Variants in NYAP1 observed in about 807,000 individuals in gnomAD.
NYAP1 encodes neuronal tyrosine-phosphorylated phosphoinositide-3-kinase adapter 1.
NYAP1 carries 20 observed loss-of-function variants against 58.6 expected under a neutral mutation model. The observed-to-expected ratio is 0.34, with a 90% CI of 0.24 to 0.50. NYAP1 has a LOEUF of 0.50. NYAP1 is among the 20% of genes least tolerant of loss of function. The pLI is 0.98. For missense variants in NYAP1, 1,150 were observed against 1,194.5 expected, an observed-to-expected ratio of 0.96 and a Z score of 0.55; for synonymous variants, 572 against 523.1, an observed-to-expected ratio of 1.09 and a Z score of -1.27.
In NYAP1 at chr7:100,486,863, G is replaced by C. The variant is rs780087448; in HGVS notation, c.111G>C (p.Ala37=). The change falls in exon 3 of 7, where the codon GCG becomes GCC. Residue 37 remains alanine, a synonymous_variant. Coordinates refer to ENST00000300179, the MANE Select transcript of NYAP1 (RefSeq NM_173564.4). The surrounding 1 kb of genome is among the most constrained non-coding windows in gnomAD (Gnocchi z 6.2). ...EVAPAGSAGP[A]AGQGPGVRVR... ...CCCCCGCTGGCTCGGCTGGGCCCGCGGCCGGCCAGGGGCCTGGGGTCCGCG... is the reference window on the plus strand; with the variant it reads ...CCCCCGCTGGCTCGGCTGGGCCCGCCGCCGGCCAGGGGCCTGGGGTCCGCG... The C allele has an allele frequency of 6.5e-7, 1 of 1,537,014 alleles. No individual in the cohort carries two copies. Among genetic ancestry groups the C allele is most frequent in the African/African-American group, 1.4e-5 (1 of 72,462 alleles).
chr7:100,485,232 T>C lies in NYAP1; in HGVS notation c.-80T>C, dbSNP rs1799688126. On this transcript the variant is annotated 5_prime_UTR_variant, in exon 2 of 7. Transcript: ENST00000300179. This position sits in a 1 kb window ranked among gnomAD's most constrained non-coding sequence, Gnocchi z 5.7. ...CTCACCCACCCCGCCCGCCAGTGGA[T>C]CCGGGACCCAGGGAGGGCCGCCCCC... 4.0e-6 allele frequency: 3 copies of C among 748,026 alleles called. No individual in the cohort carries two copies. Among genetic ancestry groups the C allele is most frequent in the African/African-American group, 1.8e-5 (1 of 56,352 alleles). The allele number at this position is 748,026 out of a possible 1,614,324, so 46.3% of individuals were successfully genotyped here. A position where few individuals can be genotyped will look rare whatever the true frequency, so the allele number is the denominator to read the frequency against.
chr7:100,491,864 T>C (rs1235396188), intron 6 of NYAP1, among the ~76,000 whole-genome samples: 1 of 151,922 alleles, frequency 6.6e-6, no homozygotes, highest in Non-Finnish European at 1.5e-5. Flanking sequence ...CTGACCAACA[T>C]AGTGAAATCC....
At position 100,488,939 on chromosome 7, in the gene NYAP1, C is replaced by T. The variant is rs1238371541; in HGVS notation, c.1218C>T (p.His406=). Residue 406 remains histidine (H), a synonymous_variant, in exon 4 of 7, where the codon CAC becomes CAT. Transcript: ENST00000300179. The surrounding 1 kb of genome is among the most constrained non-coding windows in gnomAD (Gnocchi z 5.9). ...LLGPSGRARS[H]STPLPPQGSG... ...GACCATCGGGCCGGGCCCGGAGCCA[C>T]TCGACACCGTTGCCACCCCAGGGCT... 3 of 1,570,498 alleles carry T rather than the reference C, an allele frequency of 1.9e-6. No individual in the cohort carries two copies. The highest frequency in any genetic ancestry group is 2.6e-6 in the Non-Finnish European group (3 of 1,166,064).
chr7:100,489,691 GCT>G (rs759025820), intron 4 of NYAP1, 25 bp downstream of exon 4: 1 of 1,302,110 alleles, frequency 7.7e-7, no homozygotes, highest in Non-Finnish European at 1.0e-6. Flanking sequence ...GGGAGTGGGG[GCT>G]GGCATCAGGG....
At position 100,494,047 on chromosome 7, in the gene NYAP1, G is replaced by C. The variant is rs530259143; in HGVS notation, c.*144G>C. The C allele has an allele frequency of 1.9e-4, 133 of 702,888 alleles. No individual in the cohort carries two copies. The highest frequency in any genetic ancestry group is 2.7e-4 in the Non-Finnish European group (125 of 458,830). The allele number at this position is 702,888 out of a possible 1,614,324, so 43.5% of individuals were successfully genotyped here. A position where few individuals can be genotyped will look rare whatever the true frequency, so the allele number is the denominator to read the frequency against. On this transcript the variant is annotated 3_prime_UTR_variant, in exon 7 of 7. Coordinates refer to ENST00000300179, the MANE Select transcript of NYAP1 (RefSeq NM_173564.4). ...CCCTGCCCTCCAACCTACCCCCCGGGATGGGGAGAGTCTGCCAGGCCCATT... is the reference window on the plus strand; with the variant it reads ...CCCTGCCCTCCAACCTACCCCCCGGCATGGGGAGAGTCTGCCAGGCCCATT...
At position 100,490,771 on chromosome 7, in the gene NYAP1, G is replaced by A. The variant is rs879514652; in HGVS notation, c.2158+42G>A. 86 of 1,452,848 alleles carry A rather than the reference G, an allele frequency of 5.9e-5. No individual in the cohort carries two copies. Among genetic ancestry groups the A allele is most frequent in the Non-Finnish European group, 7.0e-5 (77 of 1,093,884 alleles). The allele number at this position is 1,452,848 out of a possible 1,614,324, so 90.0% of individuals were successfully genotyped here. On this transcript the variant is annotated intron_variant, in intron 5 of 6. Transcript: ENST00000300179. The surrounding 1 kb of genome is among the most constrained non-coding windows in gnomAD (Gnocchi z 4.6). Reference sequence around the variant, plus strand: ...ACACCTGTGCACAGCGGGGCTGGCTGGGGGATCTCCCGGGGTCTAGCTGCA... The same window carrying A: ...ACACCTGTGCACAGCGGGGCTGGCTAGGGGATCTCCCGGGGTCTAGCTGCA...
Position 100,487,214 on chromosome 7 carries a change from A to G in NYAP1, c.430+32A>G, listed in dbSNP as rs1799716841. The G allele has an allele frequency of 2.0e-6, 3 of 1,467,696 alleles. No individual in the cohort carries two copies. The highest frequency in any genetic ancestry group is 1.5e-5 in the African/African-American group (1 of 68,442). 90.9% of individuals were successfully genotyped at this position (1,467,696 alleles called of 1,614,324 possible). ...TACCCCCTATCTCTCCCTGGGGTGGAGCTGGGAGCTGGGAGGATCTATTCC... is the reference window on the plus strand; with the variant it reads ...TACCCCCTATCTCTCCCTGGGGTGGGGCTGGGAGCTGGGAGGATCTATTCC... On this transcript the variant is annotated intron_variant, in intron 3 of 6. Transcript: ENST00000300179. This position sits in a 1 kb window ranked among gnomAD's most constrained non-coding sequence, Gnocchi z 4.1.
Position 100,489,448 on chromosome 7 carries a change from G to T in NYAP1, c.1727G>T (p.Gly576Val). The T allele has an allele frequency of 6.2e-7, 1 of 1,613,020 alleles. No homozygotes were observed. The highest frequency in any genetic ancestry group is 8.5e-7 in the Non-Finnish European group (1 of 1,179,894). Residue 576 changes from glycine to valine, a missense_variant, in exon 4 of 7, where the codon GGC (glycine) becomes GTC (valine). Coordinates refer to ENST00000300179, the MANE Select transcript of NYAP1 (RefSeq NM_173564.4). Reference sequence around the variant, plus strand: ...AAGGCTGGGGGGGTGCTGAATAAGGGCTGTGGTGTGGGGGCCCCATCCCCC... The same window carrying T: ...AAGGCTGGGGGGGTGCTGAATAAGGTCTGTGGTGTGGGGGCCCCATCCCCC... ...SLKAGGVLNK[G>V]CGVGAPSPMV...
In NYAP1 at chr7:100,486,995, C is replaced by T; in HGVS notation, c.243C>T (p.Arg81=). The change falls in exon 3 of 7, where the codon CGC becomes CGT. Residue 81 remains arginine (R), a synonymous_variant. Coordinates refer to ENST00000300179, the MANE Select transcript of NYAP1 (RefSeq NM_173564.4). This position sits in a 1 kb window ranked among gnomAD's most constrained non-coding sequence, Gnocchi z 6.2. ...CCTGCCGCAGCGCCATGGCCCCACG[C>T]TCCCTCTCCTGCCACTCGGTGGGCA... ...PHPCRSAMAP[R]SLSCHSVGSM... 1 of 1,608,878 alleles carries T rather than the reference C, an allele frequency of 6.2e-7. No homozygotes were observed. The highest frequency in any genetic ancestry group is 8.5e-7 in the Non-Finnish European group (1 of 1,178,154).
In NYAP1 at chr7:100,487,168, C is replaced by A; in HGVS notation, c.416C>A (p.Pro139His). The A allele has an allele frequency of 6.7e-7, 1 of 1,489,162 alleles. No individual in the cohort carries two copies. The highest frequency in any genetic ancestry group is 8.9e-7 in the Non-Finnish European group (1 of 1,120,992). 92.2% of individuals were successfully genotyped at this position (1,489,162 alleles called of 1,614,324 possible). Residue 139 changes from proline to histidine, a missense_variant, in exon 3 of 7, where the codon CCC becomes CAC. Pro to His is a moderately conservative substitution (Grantham distance 77). Coordinates refer to ENST00000300179, the MANE Select transcript of NYAP1 (RefSeq NM_173564.4). The surrounding 1 kb of genome is among the most constrained non-coding windows in gnomAD (Gnocchi z 4.1). Reference sequence around the variant, plus strand: ...CCTGGGTCTGGGGCAGAGACGCCCCCCAGCAAGAAAGCAGGTGAGATACCC... The same window carrying A: ...CCTGGGTCTGGGGCAGAGACGCCCCACAGCAAGAAAGCAGGTGAGATACCC... ...VGPGSGAETP[P>H]SKKAGSQKPT...
In NYAP1 at chr7:100,487,299, T is replaced by C. The variant is rs1799719180; in HGVS notation, c.430+117T>C. 10 of 1,150,276 alleles carry C rather than the reference T, an allele frequency of 8.7e-6. No individual in the cohort carries two copies. The highest frequency in any genetic ancestry group is 2.4e-4 in the Middle Eastern group (1 of 4,102). 71.3% of individuals were successfully genotyped at this position (1,150,276 alleles called of 1,614,324 possible). The stretch of plus-strand genomic sequence containing the variant: ...GGGAAGAACCAAGGAAGTGGAAGAT[T>C]CCATTCTCAAAAGGAATTGGGGGGG... On this transcript the variant is annotated intron_variant, in intron 3 of 6. Coordinates refer to ENST00000300179, the MANE Select transcript of NYAP1 (RefSeq NM_173564.4). This position sits in a 1 kb window ranked among gnomAD's most constrained non-coding sequence, Gnocchi z 4.1.
Position 100,485,253 on chromosome 7 carries a change from C to T in NYAP1, c.-59C>T. On this transcript the variant is annotated 5_prime_UTR_variant, in exon 2 of 7. Transcript: ENST00000300179. This position sits in a 1 kb window ranked among gnomAD's most constrained non-coding sequence, Gnocchi z 5.7. ...TGGATCCGGGACCCAGGGAGGGCCG[C>T]CCCCCGGGCCTGGTGGCACTGAGCA... The T allele has an allele frequency of 4.7e-6, 5 of 1,075,070 alleles. No individual in the cohort carries two copies. Among genetic ancestry groups the T allele is most frequent in the Non-Finnish European group, 7.0e-6 (5 of 719,316 alleles). The allele number at this position is 1,075,070 out of a possible 1,614,324, so 66.6% of individuals were successfully genotyped here. A position where few individuals can be genotyped will look rare whatever the true frequency, so the allele number is the denominator to read the frequency against.
intron 6 of NYAP1, among the ~76,000 whole-genome samples, chr7:100,492,867 C>G (rs771959838): frequency 1.1e-4 from 17 of 151,582 alleles, no homozygotes; most frequent in Non-Finnish European, 1.8e-4. Flanking sequence ...CCACTGCACT[C>G]CAGCCTGGGT....
At position 100,490,397 on chromosome 7, in the gene NYAP1, G is replaced by A. The variant is rs1369444672; in HGVS notation, c.1946-120G>A. 1.5e-5 allele frequency: 13 copies of A among 891,206 alleles called. No individual in the cohort carries two copies. The highest frequency in any genetic ancestry group is 2.6e-5 in the East Asian group (1 of 37,880). The allele number at this position is 891,206 out of a possible 1,614,324, so 55.2% of individuals were successfully genotyped here. The stretch of plus-strand genomic sequence containing the variant: ...AGTGTGAAGGAGCCCCATCCCAGCC[G>A]TTACTTGCAAAAGGGGCAATTGTGT... On this transcript the variant is annotated intron_variant, in intron 4 of 6. Transcript: ENST00000300179. This position sits in a 1 kb window ranked among gnomAD's most constrained non-coding sequence, Gnocchi z 4.6.
intron 6 of NYAP1, among the ~76,000 whole-genome samples, chr7:100,491,580 G>A (rs1453882489): frequency 2.0e-5 from 3 of 151,296 alleles, no homozygotes; most frequent in Non-Finnish European, 4.4e-5. Context: ...CTGAGCCACA[G>A]AGTGAGACCC....
Position 100,489,624 on chromosome 7 carries a change from A to G in NYAP1, c.1903A>G (p.Arg635Gly). 7.2e-7 allele frequency: 1 copy of G among 1,381,762 alleles called. No individual in the cohort carries two copies. Among genetic ancestry groups the G allele is most frequent in the Non-Finnish European group, 9.7e-7 (1 of 1,036,138 alleles). The allele number at this position is 1,381,762 out of a possible 1,614,324, so 85.6% of individuals were successfully genotyped here. A position where few individuals can be genotyped will look rare whatever the true frequency, so the allele number is the denominator to read the frequency against. ...ATFGAGWALQRKVLYGGRKAK... is the reference protein window; with the variant it reads ...ATFGAGWALQGKVLYGGRKAK... ...ATTTGGGGCAGGCTGGGCCCTGCAG[A>G]GGAAGGTCCTCTATGGAGGGAGAAA... is the stretch of plus-strand genomic sequence containing the variant. The change falls in exon 4 of 7, where the codon AGG (arginine) becomes GGG (glycine). Residue 635 changes from arginine to glycine, a missense_variant. Coordinates refer to ENST00000300179, the MANE Select transcript of NYAP1 (RefSeq NM_173564.4).
At position 100,485,177 on chromosome 7, in the gene NYAP1, C is replaced by T; in HGVS notation, c.-84-51C>T. On this transcript the variant is annotated intron_variant, in intron 1 of 6. Coordinates refer to ENST00000300179, the MANE Select transcript of NYAP1 (RefSeq NM_173564.4). The surrounding 1 kb of genome is among the most constrained non-coding windows in gnomAD (Gnocchi z 5.7). The stretch of plus-strand genomic sequence containing the variant: ...CTCTCTTTCATTCATCCCTGGCCCC[C>T]ACCCATCCCACCTTTCTTTTTTTTC... The T allele has an allele frequency of 1.6e-6, 1 of 613,286 alleles. No individual in the cohort carries two copies. The highest frequency in any genetic ancestry group is 3.0e-6 in the Non-Finnish European group (1 of 336,830). The allele number at this position is 613,286 out of a possible 1,614,324, so 38.0% of individuals were successfully genotyped here.
intron 6 of NYAP1, among the ~76,000 whole-genome samples, chr7:100,491,749 T>C (rs1186991691): frequency 6.6e-6 from 1 of 151,548 alleles, no homozygotes; most frequent in Non-Finnish European, 1.5e-5. Context: ...CTGTCTCTAC[T>C]AGAAATACAA....
chr7:100,489,506 C>A lies in NYAP1; in HGVS notation c.1785C>A (p.Thr595=), dbSNP rs760408434. The A allele has an allele frequency of 2.6e-5, 42 of 1,613,254 alleles. No homozygotes were observed. Among genetic ancestry groups the A allele is most frequent in the Non-Finnish European group, 3.4e-5 (40 of 1,179,978 alleles). Residue 595 remains threonine (T), a synonymous_variant, in exon 4 of 7, where the codon ACC becomes ACA. Transcript: ENST00000300179. ...AGATCCAGCTGCAGGAGCAAGGGAC[C>A]GATGGGGGTGCTTTTGCCAGCATCT... ...MVKIQLQEQG[T]DGGAFASISC... is the part of the protein sequence containing the mutation.
Sources: allele counts gnomAD v4.1 joint callset (sites outside exome capture counted in the v4.1 genomes callset), GRCh38; gene constraint gnomAD v4.1.1; non-coding constraint Gnocchi (gnomAD v3.1); transcripts MANE v1.5; gene names NCBI Gene and HGNC (gene_info 2026-07-23, HGNC 2026-07-21).